Variants in TRIM34 observed in about 807,000 individuals in gnomAD.
TRIM34 encodes the protein tripartite motif containing 34, also known as E3 ubiquitin-protein ligase TRIM34.
Under a neutral mutation model 38.1 loss-of-function variants are expected in TRIM34, and 41 were observed. The observed-to-expected ratio is 1.08, with a 90% confidence interval of 0.84 to 1.40. The LOEUF (loss-of-function observed/expected upper bound fraction) is 1.40, where lower values mean the gene tolerates loss of function less well. Among genes scored for constraint, TRIM34 ranks in the 40% most tolerant of loss-of-function variants. The pLI is 0.00. For synonymous variants in TRIM34, 200 were observed against 202.5 expected, an observed-to-expected ratio of 0.99 and a Z score of 0.10; for missense variants, 556 against 571.4, an observed-to-expected ratio of 0.97 and a Z score of 0.27.
chr11:5,642,648 T>C, intron 6 of TRIM34, 142 bp downstream of exon 6: 1 of 1,356,542 alleles, frequency 7.4e-7, no homozygotes, highest in Non-Finnish European at 9.9e-7. Context: ...GTGAAGAGGA[T>C]GCATTTATAT....
At chr11:5,634,023 C>G (rs2133930998) in intron 3 of TRIM34, 124 bp downstream of exon 3, 1 of 1,029,264 alleles carries the variant, frequency 9.7e-7, no homozygotes, top group South Asian at 1.7e-5. Context: ...TAGTTCTCTT[C>G]TCTGTCCTGT....
upstream of TRIM34, among the ~76,000 whole-genome samples, chr11:5,622,787 G>A (rs1349984537): frequency 6.6e-6 from 1 of 152,184 alleles, no homozygotes; most frequent in Non-Finnish European, 1.5e-5. Context: ...AAATGAAAGA[G>A]TATCTGAGAA....
At chr11:5,626,349 C>T (rs1158588601) in intron 1 of TRIM34, among the ~76,000 whole-genome samples, 1 of 152,178 alleles carries the variant, frequency 6.6e-6, no homozygotes, top group East Asian at 1.9e-4. Context: ...ATGACTAATA[C>T]TATGGAGTAA....
At chr11:5,634,969 C>A in intron 4 of TRIM34, 108 bp downstream of exon 4, 1 of 1,196,008 alleles carries the variant, frequency 8.4e-7, no homozygotes, top group Non-Finnish European at 1.1e-6. Context: ...CTTGCAGTGC[C>A]GCCTTGTCGT....
intron 1 of TRIM34, among the ~76,000 whole-genome samples, chr11:5,626,267 A>C (rs182440557): frequency 6.6e-6 from 1 of 152,312 alleles, no homozygotes; most frequent in Admixed American, 6.5e-5. Flanking sequence ...AATATGAAAT[A>C]TACGTGGAAG....
At chr11:5,634,463 T>C (rs1849622056) in intron 3 of TRIM34, among the ~76,000 whole-genome samples, 168 bp from the exon 4 acceptor site, 1 of 134,952 alleles carries the variant, frequency 7.4e-6, no homozygotes, top group African/African-American at 2.7e-5. Context: ...ATATAGATAA[T>C]ACAAATATAT....
In TRIM34 at chr11:5,635,878, G is replaced by A. The variant is rs77835105; in HGVS notation, c.750+1017G>A. Among the ~76,000 whole-genome samples the A allele has an allele frequency of 2.0e-3, 309 of 152,246 alleles. 6 individuals carry two copies. The East Asian group carries it at 0.055, about 27-fold the overall frequency. On this transcript the variant is annotated intron_variant, in intron 4 of 7. Transcript: ENST00000429814. Reference sequence around the variant, plus strand: ...AGTATGGCTATAATAAAAAAAGATGGACAATACCAAGTGTTTGGGAAGATG... The same window carrying A: ...AGTATGGCTATAATAAAAAAAGATGAACAATACCAAGTGTTTGGGAAGATG...
chr11:5,639,508 G>A (rs929132401), intron 4 of TRIM34, among the ~76,000 whole-genome samples: 11 of 151,468 alleles, frequency 7.3e-5, no homozygotes, highest in Non-Finnish European at 1.0e-4. Context: ...GTGAAACCCC[G>A]TCTCTACTAA....
Position 5,643,897 on chromosome 11 carries a change from A to G in TRIM34, c.*188A>G. 4 of 773,090 alleles carry G rather than the reference A, an allele frequency of 5.2e-6. No individual in the cohort carries two copies. In the South Asian group the frequency reaches 9.2e-5, roughly 18 times the overall value. The allele number at this position is 773,090 out of a possible 1,614,324, so 47.9% of individuals were successfully genotyped here. ...TATTTATTCATTTACTCTTTTTCAT[A>G]TTTTCAGAGAAAGTTACCTAATCCC... On this transcript the variant is annotated 3_prime_UTR_variant, in exon 8 of 8. Transcript: ENST00000429814.
intron 1 of TRIM34, among the ~76,000 whole-genome samples, chr11:5,626,181 C>G (rs759373046): frequency 2.2e-4 from 33 of 152,328 alleles, no homozygotes; most frequent in Non-Finnish European, 4.0e-4. Flanking sequence ...CAAGACCCAA[C>G]ATATGGGATA....
chr11:5,620,561 C>G (rs1238698658), upstream of TRIM34, among the ~76,000 whole-genome samples: 1 of 152,138 alleles, frequency 6.6e-6, no homozygotes, highest in Non-Finnish European at 1.5e-5. Flanking sequence ...CATGTTGGAA[C>G]TAAAACTGGA....
intron 3 of TRIM34, 139 bp from the exon 4 acceptor site, chr11:5,634,492 T>C (rs918857492): frequency 1.3e-5 from 3 of 228,026 alleles, no homozygotes; most frequent in Non-Finnish European, 2.3e-5. Context: ...ATAATATAAA[T>C]ACACACACAC....
At chr11:5,638,957 TG>T (rs1849865040) in intron 4 of TRIM34, among the ~76,000 whole-genome samples, 2 of 152,110 alleles carry the variant, frequency 1.3e-5, no homozygotes, top group African/African-American at 4.8e-5. Context: ...TGCCTTCACG[TG>T]GGAGTGCACC....
upstream of TRIM34, among the ~76,000 whole-genome samples, chr11:5,620,627 TTCTC>T (rs1257313638): frequency 3.9e-5 from 6 of 151,902 alleles, no homozygotes; most frequent in East Asian, 1.2e-3. Context: ...GGAAATCACT[TTCTC>T]TGTCTGCCCA....
In TRIM34 at chr11:5,642,406, G is replaced by C. The variant is rs1425006374; in HGVS notation, c.774G>C (p.Trp258Cys). Residue 258 changes from tryptophan to cysteine, a missense_variant and splice_region_variant, in exon 6 of 8, where the codon TGG becomes TGC. Physicochemically the swap from Trp to Cys is radical, Grantham distance 215. Transcript: ENST00000429814. Reference sequence around the variant, plus strand: ...GTCAAAAAATTTTTTTCATCCCTAGGAGTGAGATCTGGAGGCTGAAAAAGC... The same window carrying C: ...GTCAAAAAATTTTTTTCATCCCTAGCAGTGAGATCTGGAGGCTGAAAAAGC... ...LLQDMSGIMK[W>C]SEIWRLKKPK... 5 of 1,612,576 alleles carry C rather than the reference G, an allele frequency of 3.1e-6. No individual in the cohort carries two copies. The East Asian group carries it at 8.9e-5, about 29-fold the overall frequency.
intron 2 of TRIM34, 91 bp from the exon 3 acceptor site, chr11:5,633,713 C>T (rs1166274120): frequency 1.9e-5 from 25 of 1,347,008 alleles, no homozygotes; most frequent in Non-Finnish European, 2.5e-5. Context: ...TTGCTTTTTT[C>T]TGGGATCAAC....
upstream of TRIM34, among the ~76,000 whole-genome samples, chr11:5,620,190 T>TTTG (rs1285799747): frequency 8.1e-6 from 1 of 123,956 alleles, no homozygotes; most frequent in Admixed American, 8.2e-5. Flanking sequence ...TTTTTTTTTT[T>TTTG]TTGTTGAGAC....
chr11:5,620,428 C>T (rs1485176711), upstream of TRIM34, among the ~76,000 whole-genome samples: 1 of 151,434 alleles, frequency 6.6e-6, no homozygotes, highest in African/African-American at 2.4e-5. Context: ...GACTCTAACT[C>T]CTGAACTCGT....
Position 5,643,481 on chromosome 11 carries a change from G to A in TRIM34, c.1239G>A (p.Glu413=). ...AATGTAAGTATGGTGTCTTTGAAGA[G>A]TCTTTGTCCTCTGATCCCGAGGTTT... ...QNKCKYGVFE[E]SLSSDPEVLT... is the part of the protein sequence containing the mutation. The change falls in exon 8 of 8, where the codon GAG becomes GAA. Residue 413 remains glutamate (E), a synonymous_variant. Transcript: ENST00000429814. 6.2e-7 allele frequency: 1 copy of A among 1,614,224 alleles called. No homozygotes were observed. Among genetic ancestry groups the A allele is most frequent in the Non-Finnish European group, 8.5e-7 (1 of 1,180,038 alleles).
Sources: allele counts gnomAD v4.1 joint callset (sites outside exome capture counted in the v4.1 genomes callset), GRCh38; gene constraint gnomAD v4.1.1; transcripts MANE v1.5; gene names NCBI Gene and HGNC (gene_info 2026-07-23, HGNC 2026-07-21).